The following PAM variants were observed in gnomAD, a reference collection of about 807,000 sequenced individuals.
PAM encodes the protein peptidylglycine alpha-amidating monooxygenase.
In PAM, 72 loss-of-function variants were observed where a neutral mutation model predicts 122.1. The ratio of observed to expected loss-of-function variants is 0.59; its 90% CI spans 0.49 to 0.72. PAM has a LOEUF of 0.72. PAM is among the 30% of genes least tolerant of loss of function. The pLI, the probability that PAM is intolerant of heterozygous loss-of-function variation, is 0.00. For synonymous variants in PAM, 389 were observed against 404.4 expected, an observed-to-expected ratio of 0.96 and a Z score of 0.46; for missense variants, 1,106 against 1,183.7, an observed-to-expected ratio of 0.93 and a Z score of 0.96.
chr5:102,928,671 T>C (rs970730172), intron 7 of PAM, among the ~76,000 whole-genome samples: 1 of 152,082 alleles, frequency 6.6e-6, no homozygotes, highest in Non-Finnish European at 1.5e-5. Flanking sequence ...CAATGAGATA[T>C]CGTTTTATAT....
intron 7 of PAM, among the ~76,000 whole-genome samples, chr5:102,938,837 C>T (rs1342652626): frequency 2.0e-5 from 3 of 152,040 alleles, no homozygotes; most frequent in East Asian, 1.9e-4. Context: ...CAACACTAAA[C>T]GAGGTTTGTT....
chr5:102,965,912 T>C (rs1763950896), intron 14 of PAM, among the ~76,000 whole-genome samples: 1 of 152,026 alleles, frequency 6.6e-6, no homozygotes, highest in South Asian at 2.1e-4. Context: ...AACACAATAG[T>C]CTACTGTCAA....
intron 1 of PAM, chr5:102,838,599 A>C (rs1580773156): frequency 6.6e-6 from 1 of 152,164 alleles, no homozygotes; most frequent in Admixed American, 6.5e-5. Flanking sequence ...ACATAGTATC[A>C]CTGTAATTGT....
intron 1 of PAM, among the ~76,000 whole-genome samples, chr5:102,847,444 G>A (rs1780232390): frequency 6.6e-6 from 1 of 151,816 alleles, no homozygotes. Context: ...CATCTCAAAA[G>A]TTTTTTTTGC....
In PAM at chr5:103,009,775, A is replaced by C; in HGVS notation, c.2240A>C (p.Lys747Thr). 6.2e-7 allele frequency: 1 copy of C among 1,610,326 alleles called. No individual in the cohort carries two copies. Among genetic ancestry groups the C allele is most frequent in the Non-Finnish European group, 8.5e-7 (1 of 1,176,766 alleles). The stretch of plus-strand genomic sequence containing the variant: ...GGCTTGCTCTTTGCAGTGAATGGGA[A>C]GCCTCATTTTGGGGACCAAGAACCT... ...IPGLLFAVNGKPHFGDQEPVQ... is the reference protein window; with the variant it reads ...IPGLLFAVNGTPHFGDQEPVQ... The change falls in exon 21 of 26, where the codon AAG becomes ACG. Residue 747 changes from lysine (K) to threonine (T), a missense_variant. Transcript: ENST00000438793.
chr5:102,993,247 T>A (rs1449164194), intron 16 of PAM, among the ~76,000 whole-genome samples: 1 of 152,146 alleles, frequency 6.6e-6, no homozygotes, highest in East Asian at 1.9e-4. Flanking sequence ...GTCTCTTGTC[T>A]GCCCTGGTGT....
At chr5:102,841,766 A>C (rs1561599261) in intron 1 of PAM, among the ~76,000 whole-genome samples, 1 of 152,196 alleles carries the variant, frequency 6.6e-6, no homozygotes, top group Admixed American at 6.5e-5. Flanking sequence ...TTTGAAATAG[A>C]AGCTGGAGAT....
intron 21 of PAM, among the ~76,000 whole-genome samples, chr5:103,011,725 G>A (rs983776895): frequency 9.2e-5 from 14 of 152,148 alleles, no homozygotes; most frequent in Non-Finnish European, 7.3e-5. Context: ...CAACAAACGT[G>A]GGAGTTTATT....
chr5:102,785,109 A>C (rs1231203469), intron 1 of PAM, among the ~76,000 whole-genome samples: 1 of 152,242 alleles, frequency 6.6e-6, no homozygotes, highest in African/African-American at 2.4e-5. Flanking sequence ...CAGAACATGC[A>C]GGTTTGTTAC....
intron 4 of PAM, among the ~76,000 whole-genome samples, chr5:102,909,684 T>C (rs557766674): frequency 2.2e-4 from 33 of 151,990 alleles, no homozygotes; most frequent in Admixed American, 7.2e-4. Flanking sequence ...CCAAGTTCCA[T>C]AGGTAATAAT....
chr5:102,836,016 G>A (rs910215392), intron 1 of PAM, among the ~76,000 whole-genome samples: 47 of 152,188 alleles, frequency 3.1e-4, no homozygotes, highest in African/African-American at 5.1e-4. Flanking sequence ...CTTGAATTGC[G>A]TTCTCGAATT....
At chr5:102,853,036 C>G (rs1310229114) in intron 1 of PAM, among the ~76,000 whole-genome samples, 1 of 152,168 alleles carries the variant, frequency 6.6e-6, no homozygotes, top group Admixed American at 6.5e-5. Context: ...AACATCCAGC[C>G]ACTTTTGGAA....
chr5:102,801,979 C>G (rs1162385511), intron 1 of PAM, among the ~76,000 whole-genome samples: 1 of 150,660 alleles, frequency 6.6e-6, no homozygotes, highest in South Asian at 2.1e-4. Context: ...GGGGTTTCAC[C>G]GTGTTAGCCA....
chr5:102,848,431 A>T (rs1177488445), intron 1 of PAM, among the ~76,000 whole-genome samples: 3 of 152,196 alleles, frequency 2.0e-5, no homozygotes, highest in African/African-American at 7.2e-5. Flanking sequence ...TTCCCTGGAT[A>T]ACTGAAAAGC....
At chr5:102,982,237 CAG>C (rs1770145864) in intron 15 of PAM, among the ~76,000 whole-genome samples, 1 of 152,216 alleles carries the variant, frequency 6.6e-6, no homozygotes, top group African/African-American at 2.4e-5. Flanking sequence ...GCATGAGCCA[CAG>C]GGGGGCCTGA....
Position 102,961,211 on chromosome 5 carries a change from G to A in PAM, c.1144G>A (p.Glu382Lys), listed in dbSNP as rs767427861. ...ACTACAGCAGCCAAAACGAGAAGAAGAAGAAGTGTTAGACCAGGGTATGTA... is the reference window on the plus strand; with the variant it reads ...ACTACAGCAGCCAAAACGAGAAGAAAAAGAAGTGTTAGACCAGGGTATGTA... ...PLLQQPKREE[E>K]EVLDQGDFYS... Residue 382 changes from glutamate (E) to lysine (K), a missense_variant, in exon 14 of 26, where the codon GAA becomes AAA. Transcript: ENST00000438793. 6.4e-6 allele frequency: 10 copies of A among 1,573,712 alleles called. No individual in the cohort carries two copies. In the Admixed American group the frequency reaches 1.7e-4, roughly 26 times the overall value.
At chr5:102,829,458 G>A (rs746822513) in intron 1 of PAM, among the ~76,000 whole-genome samples, 3 of 147,612 alleles carry the variant, frequency 2.0e-5, no homozygotes, top group South Asian at 2.2e-4. Context: ...TGCAAGCTCC[G>A]CCTCCCCGGC....
At chr5:103,010,938 T>A (rs570477268) in intron 21 of PAM, among the ~76,000 whole-genome samples, 1 of 152,316 alleles carries the variant, frequency 6.6e-6, no homozygotes, top group East Asian at 1.9e-4. Flanking sequence ...AACAATCCAA[T>A]TTACTCTTTC....
intron 3 of PAM, among the ~76,000 whole-genome samples, chr5:102,871,736 TTA>T (rs569403415): frequency 0.014 from 2,032 of 146,500 alleles, 28 homozygotes; most frequent in Middle Eastern, 0.029. Flanking sequence ...TTTATATATA[TTA>T]TATATATATA....
Sources: gnomAD v4.1 joint callset for allele counts (sites outside exome capture counted in the v4.1 genomes callset) on GRCh38, gnomAD v4.1.1 for gene constraint, MANE v1.5 for transcripts, NCBI Gene and HGNC (gene_info 2026-07-23, HGNC 2026-07-21) for gene names.